CACNB2: variants seen among roughly 807,000 people sequenced by gnomAD.
CACNB2 encodes voltage-dependent L-type calcium channel subunit beta-2.
CACNB2 carries 42 observed loss-of-function variants against 73.3 expected under a neutral mutation model. The observed-to-expected ratio is 0.57, with a 90% CI of 0.45 to 0.74. The LOEUF is 0.74. CACNB2 is among the 30% of genes least tolerant of loss of function. CACNB2 has a pLI of 0.00. For synonymous variants in CACNB2, 348 were observed against 310.3 expected (o/e 1.12, Z -1.28); for missense variants, 940 against 853.0 (o/e 1.10, Z -1.27).
At chr10:18,346,417 C>A (rs902208659) in intron 2 of CACNB2, among the ~76,000 whole-genome samples, 1 of 151,748 alleles carries the variant, frequency 6.6e-6, no homozygotes, top group Non-Finnish European at 1.5e-5. Flanking sequence ...GGATTACGGG[C>A]GTGAGCCACT....
At chr10:18,489,368 C>A (rs1589518973) in intron 3 of CACNB2, among the ~76,000 whole-genome samples, 1 of 100,500 alleles carries the variant, frequency 1.0e-5, no homozygotes, top group South Asian at 3.6e-4. Context: ...CTAGCCTGGG[C>A]AACAAGAGTG....
In CACNB2 at chr10:18,534,145, C is replaced by T. The variant is rs578106427; in HGVS notation, c.1124C>T (p.Ala375Val). The change falls in exon 11 of 14, where the codon GCG becomes GTG. Residue 375 changes from alanine (A) to valine (V), a missense_variant. Ala to Val is a moderately conservative substitution (Grantham distance 64, BLOSUM62 0). Transcript: ENST00000324631. ...ARTLQLVVLD[A>V]DTINHPAQLS... ...ACATTGCAGTTGGTGGTCCTTGACG[C>T]GGATACAATTAATCATCCAGCTCAA... 3.4e-5 allele frequency: 55 copies of T among 1,613,598 alleles called. No homozygotes were observed. The highest frequency in any genetic ancestry group is 4.4e-5 in the South Asian group (4 of 91,060).
chr10:18,214,730 C>T (rs80219132), intron 2 of CACNB2, among the ~76,000 whole-genome samples: 1,726 of 151,654 alleles, frequency 0.011, 33 homozygotes, highest in African/African-American at 0.039. Context: ...AGATTTGTAA[C>T]TCCTTTAATT....
At chr10:18,358,549 T>TCTCTCTCTCG (rs2042022125) in intron 2 of CACNB2, among the ~76,000 whole-genome samples, 1 of 25,888 alleles carries the variant, frequency 3.9e-5, no homozygotes. Context: ...TCTCTCTCTC[T>TCTCTCTCTCG]CTCGCTCTCT....
chr10:18,448,770 G>C (rs1403050113), intron 3 of CACNB2, among the ~76,000 whole-genome samples: 1 of 152,162 alleles, frequency 6.6e-6, no homozygotes, highest in East Asian at 1.9e-4. Context: ...GAGAGAAAAG[G>C]CACATCTTTG....
chr10:18,152,406 C>T (rs544112585), intron 2 of CACNB2, among the ~76,000 whole-genome samples: 7 of 152,134 alleles, frequency 4.6e-5, no homozygotes, highest in Admixed American at 3.9e-4. Context: ...GATGAAGCCA[C>T]GTGAGGCTCA....
chr10:18,170,068 C>G (rs1241564401), intron 2 of CACNB2, among the ~76,000 whole-genome samples: 2 of 152,152 alleles, frequency 1.3e-5, no homozygotes, highest in Non-Finnish European at 2.9e-5. Context: ...ACCTCATTGG[C>G]TCTGGTTGGA....
At chr10:18,330,296 G>T (rs1387219667) in intron 2 of CACNB2, among the ~76,000 whole-genome samples, 1 of 152,122 alleles carries the variant, frequency 6.6e-6, no homozygotes, top group Non-Finnish European at 1.5e-5. Flanking sequence ...AATCTAGTGT[G>T]AATACAATTA....
intron 2 of CACNB2, among the ~76,000 whole-genome samples, chr10:18,169,149 A>T (rs1174470179): frequency 1.3e-5 from 2 of 152,038 alleles, no homozygotes; most frequent in East Asian, 3.8e-4. Flanking sequence ...TGGTAATTTA[A>T]AAAGAAACTG....
rs994878062 is a variant in CACNB2 at position 18,539,563 on chromosome 10, C to T, written c.1822C>T (p.Arg608Cys). The change falls in exon 14 of 14, where the codon CGT (arginine) becomes TGT (cysteine). Residue 608 changes from arginine to cysteine, a missense_variant. Transcript: ENST00000324631. ...SDHRHRESRH[R>C]SRDVDREQDH... ...CCACAGACACAGGGAGTCCCGGCAC[C>T]GTTCCCGGGACGTGGATCGAGAGCA... 120 of 1,613,766 alleles carry T rather than the reference C, an allele frequency of 7.4e-5. No homozygotes were observed. Among genetic ancestry groups the T allele is most frequent in the East Asian group, 1.1e-4 (5 of 44,804 alleles).
chr10:18,369,820 T>A (rs1052640704), intron 2 of CACNB2, among the ~76,000 whole-genome samples: 2 of 152,124 alleles, frequency 1.3e-5, no homozygotes, highest in African/African-American at 4.8e-5. Context: ...GGCAGGAGAA[T>A]CACTTGAACC....
intron 2 of CACNB2, among the ~76,000 whole-genome samples, chr10:18,334,520 T>C (rs773825875): frequency 3.3e-5 from 5 of 152,210 alleles, no homozygotes; most frequent in Non-Finnish European, 5.9e-5. Flanking sequence ...GCACTTCACA[T>C]TGACAGCTTT....
intron 2 of CACNB2, among the ~76,000 whole-genome samples, chr10:18,309,008 GA>G (rs921080655): frequency 5.4e-5 from 8 of 148,934 alleles, no homozygotes; most frequent in Non-Finnish European, 6.0e-5. Flanking sequence ...CCTTAAAATA[GA>G]AAAAAAAAAC....
intron 2 of CACNB2, among the ~76,000 whole-genome samples, chr10:18,210,640 T>A (rs1021043667): frequency 4.6e-5 from 7 of 152,160 alleles, no homozygotes; most frequent in African/African-American, 1.7e-4. Flanking sequence ...GAAAATTGGT[T>A]ACAATAAAGG....
intron 3 of CACNB2, among the ~76,000 whole-genome samples, chr10:18,490,671 G>C (rs1195864163): frequency 1.3e-5 from 2 of 152,264 alleles, no homozygotes; most frequent in East Asian, 1.9e-4. Flanking sequence ...CTGTAGAGCA[G>C]GATGAATCTA....
Position 18,294,985 on chromosome 10 carries a change from C to A in CACNB2, c.214-106939C>A, listed in dbSNP as rs190858680. ...GAGAGGGGGCAGAGCACTGCAGACG[C>A]CCATCTCATCACCCTGACACAGTCA... On this transcript the variant is annotated intron_variant, in intron 2 of 13. Coordinates refer to ENST00000324631, the MANE Select transcript of CACNB2 (RefSeq NM_201596.3). 2.0e-5 allele frequency among the ~76,000 whole-genome samples: 3 copies of A among 152,330 alleles called. 1 individual carries two copies. Among genetic ancestry groups the A allele is most frequent in the East Asian group, 3.9e-4 (2 of 5,184 alleles).
chr10:18,454,625 A>C (rs2047180811), intron 3 of CACNB2, among the ~76,000 whole-genome samples: 1 of 152,242 alleles, frequency 6.6e-6, no homozygotes, highest in African/African-American at 2.4e-5. Context: ...AAGAAAATGC[A>C]GTTGGTACGT....
At chr10:18,339,952 T>C (rs191969472) in intron 2 of CACNB2, among the ~76,000 whole-genome samples, 1 of 152,190 alleles carries the variant, frequency 6.6e-6, no homozygotes, top group African/African-American at 2.4e-5. Context: ...TCAGATTTTT[T>C]AAAAATATTT....
At chr10:18,421,121 G>A (rs1370701916) in intron 3 of CACNB2, among the ~76,000 whole-genome samples, 3 of 152,006 alleles carry the variant, frequency 2.0e-5, no homozygotes, top group Non-Finnish European at 4.4e-5. Flanking sequence ...AGGTCCATTA[G>A]CCCTTGTTAA....
Sources: allele counts gnomAD v4.1 joint callset (sites outside exome capture counted in the v4.1 genomes callset), GRCh38; gene constraint gnomAD v4.1.1; transcripts MANE v1.5; gene names NCBI Gene and HGNC (gene_info 2026-07-23, HGNC 2026-07-21).